NELL2: variants seen among roughly 807,000 people sequenced by gnomAD.
NELL2 encodes neural EGFL like 2, also known as protein kinase C-binding protein NELL2.
Under a neutral mutation model 109.6 loss-of-function variants are expected in NELL2, and 41 were observed. The ratio of observed to expected loss-of-function variants is 0.37; its 90% CI spans 0.29 to 0.49. The LOEUF (loss-of-function observed/expected upper bound fraction) is 0.49, where lower values mean the gene tolerates loss of function less well. NELL2 is among the 20% of genes least tolerant of loss of function. The pLI, the probability that NELL2 is intolerant of heterozygous loss-of-function variation, is 0.98. For missense variants in NELL2, 900 were observed against 1,008.3 expected (o/e 0.89, Z 1.45); for synonymous variants, 355 against 344.7 (o/e 1.03, Z -0.33).
intron 15 of NELL2, among the ~76,000 whole-genome samples, chr12:44,558,004 C>T (rs1273247142): frequency 3.3e-5 from 5 of 151,998 alleles, no homozygotes; most frequent in African/African-American, 9.7e-5. Flanking sequence ...TTGAAATAAG[C>T]TAAAAAGTGA....
intron 15 of NELL2, among the ~76,000 whole-genome samples, chr12:44,597,302 T>C (rs912619011): frequency 6.6e-5 from 10 of 152,344 alleles, no homozygotes; most frequent in Non-Finnish European, 8.8e-5. Context: ...TGAAGATTTA[T>C]TCAACTACCC....
chr12:44,595,688 G>A (rs1172396474), intron 15 of NELL2, among the ~76,000 whole-genome samples: 1 of 148,488 alleles, frequency 6.7e-6, no homozygotes, highest in Admixed American at 6.9e-5. Flanking sequence ...TGATCTGCCC[G>A]CCTCGGCCTC....
intron 1 of NELL2, among the ~76,000 whole-genome samples, chr12:44,885,898 A>T (rs1294552130): frequency 1.3e-5 from 2 of 151,954 alleles, no homozygotes; most frequent in African/African-American, 2.4e-5. Flanking sequence ...AAGCTATAGA[A>T]ATCAAGACAG....
At chr12:44,846,678 T>C (rs1452020803) in intron 2 of NELL2, among the ~76,000 whole-genome samples, 1 of 152,198 alleles carries the variant, frequency 6.6e-6, no homozygotes, top group African/African-American at 2.4e-5. Context: ...ATTAAGATGA[T>C]CAATTCAAAA....
At chr12:44,657,319 AAG>A (rs1173465632) in intron 13 of NELL2, among the ~76,000 whole-genome samples, 2 of 152,140 alleles carry the variant, frequency 1.3e-5, no homozygotes, top group African/African-American at 2.4e-5. Flanking sequence ...AGAGAAAGAA[AAG>A]AGAGAGAGAG....
At chr12:44,515,497 A>G (rs1195441726) in intron 19 of NELL2, among the ~76,000 whole-genome samples, 1 of 151,962 alleles carries the variant, frequency 6.6e-6, no homozygotes, top group East Asian at 1.9e-4. Flanking sequence ...AAGGTTGTCT[A>G]CTGAAAGTAG....
rs190320831 is a variant in NELL2 at position 44,736,260 on chromosome 12, C to T, written c.995-21519G>A. Among the ~76,000 whole-genome samples the T allele has an allele frequency of 1.9e-3, 284 of 151,960 alleles. 1 individual carries two copies. Among genetic ancestry groups the T allele is most frequent in the African/African-American group, 6.3e-3 (262 of 41,458 alleles). On this transcript the variant is annotated intron_variant, in intron 9 of 19. Coordinates refer to ENST00000429094, the MANE Select transcript of NELL2 (RefSeq NM_001145108.2). ...TCCTGACCTCGTGATCCGCCCGTCT[C>T]GGCCTCCCAAAGTGCTGGGATTACA...
intron 1 of NELL2, among the ~76,000 whole-genome samples, chr12:44,905,192 T>G (rs924143996): frequency 1.3e-5 from 2 of 152,098 alleles, no homozygotes; most frequent in Non-Finnish European, 2.9e-5. Context: ...GATTTCAGAT[T>G]TTCAGATTGG....
At chr12:44,729,768 A>G (rs1233627555) in intron 9 of NELL2, among the ~76,000 whole-genome samples, 1 of 151,450 alleles carries the variant, frequency 6.6e-6, no homozygotes, top group African/African-American at 2.4e-5. Flanking sequence ...GGCGTGAACC[A>G]CCACACCAGG....
chr12:44,871,848 TA>T (rs930469069), intron 2 of NELL2, among the ~76,000 whole-genome samples: 1 of 152,036 alleles, frequency 6.6e-6, no homozygotes, highest in East Asian at 1.9e-4. Context: ...TAACAACTTG[TA>T]AAAAAAACAT....
At chr12:44,571,653 TTG>T (rs1943875691) in intron 15 of NELL2, among the ~76,000 whole-genome samples, 2 of 152,348 alleles carry the variant, frequency 1.3e-5, no homozygotes, top group South Asian at 4.1e-4. Context: ...TATTTCATAT[TTG>T]GTAAATACCT....
Position 44,596,825 on chromosome 12 carries a change from G to A in NELL2, c.1663+10344C>T, listed in dbSNP as rs367678953. 5.3e-5 allele frequency among the ~76,000 whole-genome samples: 8 copies of A among 152,264 alleles called. No individual in the cohort carries two copies. The South Asian group carries it at 8.3e-4, about 16-fold the overall frequency. On this transcript the variant is annotated intron_variant, in intron 15 of 19. Transcript: ENST00000429094. Reference sequence around the variant, plus strand: ...CCTATTCCACATAGAGAAGTCATTTGCAGAGCCTAGATTTATAGCCAGAGA... The same window carrying A: ...CCTATTCCACATAGAGAAGTCATTTACAGAGCCTAGATTTATAGCCAGAGA...
intron 9 of NELL2, among the ~76,000 whole-genome samples, chr12:44,749,832 G>C (rs971565144): frequency 1.3e-5 from 2 of 152,212 alleles, no homozygotes; most frequent in South Asian, 2.1e-4. Context: ...CAGACACAAT[G>C]TAAGAAGCAC....
intron 13 of NELL2, among the ~76,000 whole-genome samples, chr12:44,621,681 T>C (rs1946066582): frequency 6.7e-6 from 1 of 149,288 alleles, no homozygotes; most frequent in Admixed American, 6.6e-5. Context: ...ATTTACTCAT[T>C]GTTATTGTGC....
At chr12:44,624,996 GTATA>G (rs3072882) in intron 13 of NELL2, among the ~76,000 whole-genome samples, 888 of 71,078 alleles carry the variant, frequency 0.012, 8 homozygotes, top group African/African-American at 0.044. Flanking sequence ...ATATGTGTGT[GTATA>G]TATATATATA....
intron 5 of NELL2, 39 bp from the exon 6 acceptor site, chr12:44,777,353 C>T: frequency 6.6e-7 from 1 of 1,517,572 alleles, no homozygotes; most frequent in Non-Finnish European, 9.1e-7. Flanking sequence ...ATATTACTTT[C>T]ATTTACCCAA....
intron 13 of NELL2, among the ~76,000 whole-genome samples, chr12:44,644,625 T>TATATATATAC (rs1455589223): frequency 3.0e-4 from 30 of 98,752 alleles, no homozygotes; most frequent in African/African-American, 7.4e-4. Flanking sequence ...TATATATATA[T>TATATATATAC]ACATACATAT....
chr12:44,531,258 C>G (rs960911861), intron 16 of NELL2, among the ~76,000 whole-genome samples: 22 of 152,168 alleles, frequency 1.4e-4, no homozygotes, highest in African/African-American at 5.3e-4. Context: ...TTATAATCAG[C>G]TTATATTCAT....
At chr12:44,794,143 T>A (rs12298112) in intron 3 of NELL2, among the ~76,000 whole-genome samples, 6,381 of 152,180 alleles carry the variant, frequency 0.042, 458 homozygotes, top group African/African-American at 0.14. Flanking sequence ...GGGTTCACAT[T>A]CAGGCACCCC....
Sources: gnomAD v4.1 joint callset for allele counts (sites outside exome capture counted in the v4.1 genomes callset) on GRCh38, gnomAD v4.1.1 for gene constraint, MANE v1.5 for transcripts, NCBI Gene and HGNC (gene_info 2026-07-23, HGNC 2026-07-21) for gene names.